The following LRRTM4 variants were observed in gnomAD, a reference collection of about 807,000 sequenced individuals.
LRRTM4 encodes leucine rich repeat transmembrane neuronal 4.
Under a neutral mutation model 47.6 loss-of-function variants are expected in LRRTM4, and 25 were observed. The ratio of observed to expected loss-of-function variants is 0.53; its 90% CI spans 0.38 to 0.73. The LOEUF (loss-of-function observed/expected upper bound fraction) is 0.73, where lower values mean the gene tolerates loss of function less well. LRRTM4 is among the 30% of genes least tolerant of loss of function. The pLI is 0.00. For synonymous variants in LRRTM4, 311 were observed against 269.5 expected, an observed-to-expected ratio of 1.15 and a Z score of -1.51; for missense variants, 638 against 713.4, an observed-to-expected ratio of 0.89 and a Z score of 1.20.
chr2:77,238,523 T>C (rs748137790), intron 3 of LRRTM4, among the ~76,000 whole-genome samples: 18 of 150,270 alleles, frequency 1.2e-4, no homozygotes, highest in Non-Finnish European at 1.8e-4. Context: ...CTTGCCCTCT[T>C]TCCTCAAACC....
rs1672698392 is a variant in LRRTM4 at position 76,747,815 on chromosome 2, G to A, written c.*880C>T. On this transcript the variant is annotated 3_prime_UTR_variant, in exon 4 of 4. Transcript: ENST00000409884. ...AAAGCAATGTTACACATTATCTTGT[G>A]TTTAGAAATTTGTCAGCTTGGCAGT... 1 of 152,182 alleles carries A rather than the reference G, an allele frequency of 6.6e-6. No individual in the cohort carries two copies. Among genetic ancestry groups the A allele is most frequent in the South Asian group, 2.1e-4 (1 of 4,828 alleles). The allele number at this position is 152,182 out of a possible 1,614,324, so 9.4% of individuals were successfully genotyped here.
At chr2:77,202,448 C>T (rs1376037472) in intron 3 of LRRTM4, among the ~76,000 whole-genome samples, 1 of 152,062 alleles carries the variant, frequency 6.6e-6, no homozygotes, top group African/African-American at 2.4e-5. Flanking sequence ...AGTAATACTA[C>T]ACGCTTTAAC....
intron 3 of LRRTM4, among the ~76,000 whole-genome samples, chr2:76,873,389 A>G (rs2104064420): frequency 6.6e-6 from 1 of 151,262 alleles, no homozygotes; most frequent in African/African-American, 2.4e-5. Flanking sequence ...CATTATATAA[A>G]TATATAGTCT....
At chr2:77,334,231 T>C (rs944242739) in intron 3 of LRRTM4, among the ~76,000 whole-genome samples, 5 of 152,140 alleles carry the variant, frequency 3.3e-5, no homozygotes, top group African/African-American at 1.2e-4. Flanking sequence ...TTTGAGTTAA[T>C]GCTGAAATGA....
At chr2:77,177,490 T>C (rs959257798) in intron 3 of LRRTM4, among the ~76,000 whole-genome samples, 1 of 152,204 alleles carries the variant, frequency 6.6e-6, no homozygotes, top group African/African-American at 2.4e-5. Context: ...AGGTGTCTTC[T>C]ATATTCAGAA....
chr2:77,260,855 G>T (rs750805664), intron 3 of LRRTM4, among the ~76,000 whole-genome samples: 1 of 152,078 alleles, frequency 6.6e-6, no homozygotes, highest in Non-Finnish European at 1.5e-5. Flanking sequence ...AATGTATGAC[G>T]CTAGAATTGG....
intron 3 of LRRTM4, among the ~76,000 whole-genome samples, chr2:76,817,694 C>G (rs977808495): frequency 1.3e-5 from 2 of 151,916 alleles, no homozygotes; most frequent in Admixed American, 6.6e-5. Flanking sequence ...TTCCCTGAAA[C>G]TGCCTTGGAA....
chr2:76,903,571 A>G (rs1197875143), intron 3 of LRRTM4, among the ~76,000 whole-genome samples: 2 of 152,062 alleles, frequency 1.3e-5, no homozygotes, highest in African/African-American at 4.8e-5. Flanking sequence ...AACAAACAAA[A>G]CAACAACAAC....
At chr2:77,471,490 C>T (rs1415914166) in intron 3 of LRRTM4, among the ~76,000 whole-genome samples, 2 of 152,070 alleles carry the variant, frequency 1.3e-5, no homozygotes, top group African/African-American at 4.8e-5. Context: ...CTTCTCACAC[C>T]CTTCCCCACT....
chr2:77,481,907 A>C (rs1039997333), intron 3 of LRRTM4, among the ~76,000 whole-genome samples: 3 of 142,556 alleles, frequency 2.1e-5, no homozygotes, highest in African/African-American at 7.9e-5. Flanking sequence ...ACTTCTAGTT[A>C]TTTTAGGACC....
chr2:77,339,522 A>G (rs1201655019), intron 3 of LRRTM4, among the ~76,000 whole-genome samples: 1 of 152,042 alleles, frequency 6.6e-6, no homozygotes, highest in Admixed American at 6.6e-5. Flanking sequence ...ATGACTAAAT[A>G]CTTTGTCGAT....
At chr2:76,998,426 C>G (rs1462665153) in intron 3 of LRRTM4, among the ~76,000 whole-genome samples, 2 of 152,084 alleles carry the variant, frequency 1.3e-5, no homozygotes, top group African/African-American at 4.8e-5. Flanking sequence ...GGCCCTTCTA[C>G]TATCTATATT....
intron 3 of LRRTM4, among the ~76,000 whole-genome samples, chr2:77,189,671 C>A (rs1344480042): frequency 3.9e-5 from 6 of 152,048 alleles, no homozygotes; most frequent in African/African-American, 1.4e-4. Context: ...ACTGTGAGAG[C>A]TAAATGTGTG....
intron 3 of LRRTM4, among the ~76,000 whole-genome samples, chr2:77,288,235 A>G (rs912681332): frequency 1.3e-5 from 2 of 151,754 alleles, no homozygotes; most frequent in Non-Finnish European, 2.9e-5. Context: ...AAAATAATAT[A>G]TTTATAAGAT....
chr2:77,305,238 T>C (rs1455031525), intron 3 of LRRTM4, among the ~76,000 whole-genome samples: 1 of 152,050 alleles, frequency 6.6e-6, no homozygotes, highest in Non-Finnish European at 1.5e-5. Flanking sequence ...ATACAGAAAT[T>C]AATTTTTCCA....
At chr2:77,346,296 C>G (rs988584501) in intron 3 of LRRTM4, among the ~76,000 whole-genome samples, 1 of 151,546 alleles carries the variant, frequency 6.6e-6, no homozygotes, top group Non-Finnish European at 1.5e-5. Context: ...CCAATTATAC[C>G]CAAATAAAAA....
At chr2:77,344,128 A>C (rs1307545985) in intron 3 of LRRTM4, among the ~76,000 whole-genome samples, 5 of 151,924 alleles carry the variant, frequency 3.3e-5, no homozygotes, top group Non-Finnish European at 7.4e-5. Context: ...ACATGAGGTA[A>C]ACAGGGCCTA....
At chr2:76,861,150 C>T (rs1313034316) in intron 3 of LRRTM4, among the ~76,000 whole-genome samples, 1 of 152,026 alleles carries the variant, frequency 6.6e-6, no homozygotes, top group African/African-American at 2.4e-5. Flanking sequence ...TGTTTAAATT[C>T]AGACGAGCTA....
At chr2:76,915,705 GTA>G (rs1674219103) in intron 3 of LRRTM4, among the ~76,000 whole-genome samples, 1 of 151,924 alleles carries the variant, frequency 6.6e-6, no homozygotes, top group African/African-American at 2.4e-5. Flanking sequence ...GTTAAGAAAA[GTA>G]TTCTCTTTGA....
Sources: gnomAD v4.1 joint callset for allele counts (sites outside exome capture counted in the v4.1 genomes callset) on GRCh38, gnomAD v4.1.1 for gene constraint, MANE v1.5 for transcripts, NCBI Gene and HGNC (gene_info 2026-07-23, HGNC 2026-07-21) for gene names.